Variants in ST6GAL1 observed in about 807,000 individuals in gnomAD.
ST6GAL1 encodes beta-galactoside alpha-2,6-sialyltransferase 1.
A neutral mutation model predicts 38.0 loss-of-function variants in ST6GAL1; 20 were observed. That is an observed-to-expected ratio of 0.53 (90% CI 0.37 to 0.77). The LOEUF is 0.77. Among genes scored for constraint, ST6GAL1 ranks in the 30% least tolerant of loss-of-function variants. The probability of loss-of-function intolerance (pLI) is 0.00; values close to 1 mark genes in which losing one functional copy is unlikely to be tolerated. For missense variants in ST6GAL1, 432 were observed against 496.4 expected (o/e 0.87, Z 1.23); for synonymous variants, 196 against 188.2 (o/e 1.04, Z -0.34).
chr3:187,031,223 A>C (rs1717738280), intron 2 of ST6GAL1, among the ~76,000 whole-genome samples: 1 of 152,216 alleles, frequency 6.6e-6, no homozygotes, highest in African/African-American at 2.4e-5. Flanking sequence ...GCATGGCCCC[A>C]TGGGAACAGC....
chr3:186,986,282 G>A (rs1252571574), intron 2 of ST6GAL1: 1 of 152,134 alleles, frequency 6.6e-6, no homozygotes, highest in African/African-American at 2.4e-5. Context: ...GAAACATCGT[G>A]CAAGTTATAT....
chr3:187,043,440 T>C, intron 4 of ST6GAL1, 130 bp downstream of exon 4: 1 of 1,352,748 alleles, frequency 7.4e-7, no homozygotes, highest in Non-Finnish European at 9.9e-7. Context: ...CAGTGTTTTT[T>C]TCAGAGTCAC....
At chr3:187,037,881 A>G (rs949918438) in intron 2 of ST6GAL1, among the ~76,000 whole-genome samples, 4 of 152,016 alleles carry the variant, frequency 2.6e-5, no homozygotes, top group African/African-American at 9.7e-5. Context: ...TTCTGGGTGT[A>G]CTTTTTTCTA....
intron 2 of ST6GAL1, among the ~76,000 whole-genome samples, chr3:186,968,204 A>G (rs752137679): frequency 7.9e-5 from 12 of 152,202 alleles, no homozygotes; most frequent in Non-Finnish European, 1.6e-4. Context: ...CCATAGCTGC[A>G]TGACCTCCCG....
chr3:186,975,900 G>A (rs940974790), intron 2 of ST6GAL1, among the ~76,000 whole-genome samples: 16 of 152,110 alleles, frequency 1.1e-4, no homozygotes, highest in Non-Finnish European at 2.1e-4. Context: ...TGGGGACCTC[G>A]GAGAAAGCAT....
intron 2 of ST6GAL1, among the ~76,000 whole-genome samples, chr3:187,012,343 C>T (rs1185814942): frequency 9.2e-5 from 14 of 151,928 alleles, no homozygotes; most frequent in African/African-American, 2.7e-4. Context: ...CTGCAAGCTC[C>T]GCCCCCCAGG....
At chr3:186,997,760 GAA>G (rs34450078) in intron 2 of ST6GAL1, among the ~76,000 whole-genome samples, 39 of 144,244 alleles carry the variant, frequency 2.7e-4, no homozygotes, top group Admixed American at 2.8e-4. Context: ...GTCTCAAAAA[GAA>G]AAAAAAAAAA....
chr3:187,037,473 A>G (rs1717968534), intron 2 of ST6GAL1, among the ~76,000 whole-genome samples: 1 of 152,108 alleles, frequency 6.6e-6, no homozygotes, highest in Non-Finnish European at 1.5e-5. Context: ...CATTGTATAG[A>G]TGTTGAAATT....
intron 2 of ST6GAL1, among the ~76,000 whole-genome samples, chr3:186,996,115 TG>T (rs1716396964): frequency 6.6e-6 from 1 of 152,196 alleles, no homozygotes. Context: ...TTTAAATATT[TG>T]AATACAGAGT....
intron 5 of ST6GAL1, chr3:187,064,649 G>C (rs1472960754): frequency 1.5e-5 from 7 of 456,140 alleles, no homozygotes; most frequent in South Asian, 1.1e-4. Flanking sequence ...CCTCCTGTAA[G>C]CAACACTAAG....
At position 187,078,075 on chromosome 3, in the gene ST6GAL1, A is replaced by G. The variant is rs1719622591; in HGVS notation, c.*2272A>G. ...ACACACTGATTTTAATCTTCGAATC[A>G]TGACACTGAGTGCAGAGGAGGTGGC... On this transcript the variant is annotated 3_prime_UTR_variant, in exon 8 of 8. Coordinates refer to ENST00000169298, the MANE Select transcript of ST6GAL1 (RefSeq NM_173216.2). 1 of 152,604 alleles carries G rather than the reference A, an allele frequency of 6.6e-6. No homozygotes were observed. The highest frequency in any genetic ancestry group is 2.1e-4 in the South Asian group (1 of 4,814). The allele number at this position is 152,604 out of a possible 1,614,324, so 9.5% of individuals were successfully genotyped here.
chr3:186,938,373 C>T (rs1438831034), intron 1 of ST6GAL1, among the ~76,000 whole-genome samples: 1 of 152,172 alleles, frequency 6.6e-6, no homozygotes, highest in Non-Finnish European at 1.5e-5. Flanking sequence ...CTTCAATTTC[C>T]TTCTCTGTAA....
At chr3:187,072,792 A>T (rs759698562) in intron 5 of ST6GAL1, 57 bp from the exon 6 acceptor site, 1 of 1,469,502 alleles carries the variant, frequency 6.8e-7, no homozygotes, top group East Asian at 2.3e-5. Flanking sequence ...CTATTACTTC[A>T]TGTCAAACAT....
At chr3:187,039,463 A>G (rs9874817) in intron 3 of ST6GAL1, among the ~76,000 whole-genome samples, 5,005 of 152,264 alleles carry the variant, frequency 0.033, 320 homozygotes, top group African/African-American at 0.11. Flanking sequence ...ATTACAAAGC[A>G]CTGGCTGGCA....
intron 4 of ST6GAL1, among the ~76,000 whole-genome samples, chr3:187,045,009 A>T (rs564991388): frequency 6.6e-6 from 1 of 152,280 alleles, no homozygotes; most frequent in South Asian, 2.1e-4. Flanking sequence ...TTATTCATGG[A>T]TTCATCAACA....
intron 3 of ST6GAL1, 33 bp from the exon 4 acceptor site, chr3:187,042,621 A>C (rs1257659376): frequency 1.3e-6 from 2 of 1,522,070 alleles, no homozygotes; most frequent in African/African-American, 1.4e-5. Flanking sequence ...TTTTCTTTAC[A>C]TCATTTGTTT....
At chr3:187,037,165 T>C (rs1320441502) in intron 2 of ST6GAL1, among the ~76,000 whole-genome samples, 1 of 152,240 alleles carries the variant, frequency 6.6e-6, no homozygotes, top group East Asian at 1.9e-4. Context: ...AAAGGTTACA[T>C]TAATTTATAT....
chr3:186,933,994 C>T (rs1411542957), intron 1 of ST6GAL1, among the ~76,000 whole-genome samples: 2 of 152,236 alleles, frequency 1.3e-5, no homozygotes, highest in Non-Finnish European at 2.9e-5. Flanking sequence ...CTCCATGTCT[C>T]TGTCTTGTGC....
chr3:186,967,941 G>A (rs559897201), intron 2 of ST6GAL1, among the ~76,000 whole-genome samples: 1 of 152,322 alleles, frequency 6.6e-6, no homozygotes, highest in Admixed American at 6.5e-5. Flanking sequence ...GGGATGGGCT[G>A]GCTTTGGCTG....
Sources: allele counts gnomAD v4.1 joint callset (sites outside exome capture counted in the v4.1 genomes callset), GRCh38; gene constraint gnomAD v4.1.1; transcripts MANE v1.5; gene names NCBI Gene and HGNC (gene_info 2026-07-23, HGNC 2026-07-21).